The following CSGALNACT1 variants were observed in gnomAD, a reference collection of about 807,000 sequenced individuals.
CSGALNACT1 encodes the protein chondroitin sulfate N-acetylgalactosaminyltransferase 1, also known as beta4GalNAcT-1.
In CSGALNACT1, 52 loss-of-function variants were observed where a neutral mutation model predicts 51.0. The ratio of observed to expected loss-of-function variants is 1.02; its 90% confidence interval spans 0.82 to 1.29. CSGALNACT1 has a LOEUF of 1.29. Ranked by LOEUF, CSGALNACT1 falls within the 50% of genes most tolerant of loss-of-function variation. The probability of loss-of-function intolerance (pLI) is 0.00; values close to 1 mark genes in which losing one functional copy is unlikely to be tolerated. For synonymous variants in CSGALNACT1, 341 were observed against 254.4 expected (o/e 1.34, Z -3.24); for missense variants, 935 against 679.2 (o/e 1.38, Z -4.19).
chr8:19,596,587 T>C (rs1055926231), intron 2 of CSGALNACT1, among the ~76,000 whole-genome samples: 3 of 150,296 alleles, frequency 2.0e-5, no homozygotes, highest in African/African-American at 7.4e-5. Flanking sequence ...AGGCCACAAA[T>C]TGTAAGAAAA....
chr8:19,564,477 A>C (rs929018604), intron 3 of CSGALNACT1, among the ~76,000 whole-genome samples: 2 of 151,872 alleles, frequency 1.3e-5, no homozygotes, highest in Admixed American at 1.3e-4. Context: ...ACTAGGTGAC[A>C]GGTCCTAACT....
At chr8:19,560,784 G>A (rs2040530857) in intron 3 of CSGALNACT1, among the ~76,000 whole-genome samples, 1 of 152,200 alleles carries the variant, frequency 6.6e-6, no homozygotes, top group South Asian at 2.1e-4. Context: ...TATTCCAGGA[G>A]CCAGCAATTC....
intron 1 of CSGALNACT1, among the ~76,000 whole-genome samples, chr8:19,746,630 G>C (rs1240221442): frequency 3.3e-5 from 5 of 152,154 alleles, no homozygotes; most frequent in Admixed American, 3.3e-4. Flanking sequence ...TGATCTCAGA[G>C]ATGCTATTAT....
chr8:19,455,984 C>A (rs1173732189), intron 5 of CSGALNACT1, among the ~76,000 whole-genome samples: 1 of 152,214 alleles, frequency 6.6e-6, no homozygotes, highest in African/African-American at 2.4e-5. Context: ...GAGCAAGGGA[C>A]ATCCAAATAG....
intron 5 of CSGALNACT1, among the ~76,000 whole-genome samples, chr8:19,447,557 G>A (rs910560204): frequency 2.0e-5 from 3 of 152,134 alleles, no homozygotes; most frequent in African/African-American, 7.2e-5. Flanking sequence ...ATTGTGGGAG[G>A]TGCTGTGATG....
chr8:19,681,007 G>A (rs1239328263), intron 1 of CSGALNACT1, among the ~76,000 whole-genome samples: 3 of 152,080 alleles, frequency 2.0e-5, no homozygotes, highest in African/African-American at 4.8e-5. Flanking sequence ...TATACAAGAC[G>A]ATGTGTGTAG....
At chr8:19,630,194 CTG>C (rs55947851) in intron 1 of CSGALNACT1, among the ~76,000 whole-genome samples, 23,503 of 137,328 alleles carry the variant, frequency 0.17, 1,411 homozygotes, top group East Asian at 0.34. Flanking sequence ...TCCCACGTCT[CTG>C]TGTGTGTGTG....
At chr8:19,535,347 G>A (rs550393230) in intron 3 of CSGALNACT1, among the ~76,000 whole-genome samples, 1 of 152,070 alleles carries the variant, frequency 6.6e-6, no homozygotes, top group Non-Finnish European at 1.5e-5. Context: ...TAAAACTAAC[G>A]GCTCAAGATA....
intron 6 of CSGALNACT1, 52 bp downstream of exon 5, chr8:19,439,778 C>T (rs545284864): frequency 3.6e-6 from 5 of 1,378,700 alleles, no homozygotes; most frequent in Non-Finnish European, 4.1e-6. Flanking sequence ...TGGATGTGTG[C>T]TTCTGAGCTC....
intron 3 of CSGALNACT1, among the ~76,000 whole-genome samples, chr8:19,539,169 G>C (rs954175232): frequency 6.6e-6 from 1 of 152,150 alleles, no homozygotes; most frequent in South Asian, 2.1e-4. Context: ...ACACCTCACA[G>C]AGTCAGTGGG....
At chr8:19,610,289 C>CAAAA (rs58262538) in intron 1 of CSGALNACT1, among the ~76,000 whole-genome samples, 861 of 47,622 alleles carry the variant, frequency 0.018, 83 homozygotes, top group African/African-American at 0.064. Flanking sequence ...GACTCCGTCT[C>CAAAA]AAAAAAAAAA....
chr8:19,553,752 G>T (rs1051106279), intron 3 of CSGALNACT1, among the ~76,000 whole-genome samples: 2 of 150,634 alleles, frequency 1.3e-5, no homozygotes, highest in Non-Finnish European at 3.0e-5. Context: ...AGAAACAAAT[G>T]GGACCCCAAA....
chr8:19,574,595 C>T (rs1276876344), intron 3 of CSGALNACT1, among the ~76,000 whole-genome samples: 1 of 152,162 alleles, frequency 6.6e-6, no homozygotes, highest in African/African-American at 2.4e-5. Flanking sequence ...CCACAGCCAG[C>T]CCACCTCGTG....
At chr8:19,691,162 G>A (rs886085796) in intron 1 of CSGALNACT1, among the ~76,000 whole-genome samples, 1 of 152,210 alleles carries the variant, frequency 6.6e-6, no homozygotes, top group African/African-American at 2.4e-5. Context: ...GCCAAGGCAA[G>A]AGGCCACGCC....
chr8:19,644,906 T>C (rs1022197030), intron 1 of CSGALNACT1, among the ~76,000 whole-genome samples: 1 of 152,060 alleles, frequency 6.6e-6, no homozygotes, highest in South Asian at 2.1e-4. Context: ...AAAAGTCTTA[T>C]CCCAACATGC....
intron 1 of CSGALNACT1, among the ~76,000 whole-genome samples, chr8:19,693,379 C>T (rs1298705538): frequency 6.6e-6 from 1 of 152,122 alleles, no homozygotes; most frequent in East Asian, 1.9e-4. Flanking sequence ...CTCTGTTCTA[C>T]CAGCCTTTGT....
chr8:19,536,673 A>C (rs964868914), intron 3 of CSGALNACT1, among the ~76,000 whole-genome samples: 1 of 152,220 alleles, frequency 6.6e-6, no homozygotes, highest in Non-Finnish European at 1.5e-5. Flanking sequence ...TATAGAATCT[A>C]CGTAAGAAAG....
At chr8:19,476,815 A>G (rs1248412287) in intron 4 of CSGALNACT1, among the ~76,000 whole-genome samples, 5 of 152,318 alleles carry the variant, frequency 3.3e-5, no homozygotes, top group African/African-American at 1.2e-4. Flanking sequence ...CTCATGTCAC[A>G]GCAGTCCAGA....
At chr8:19,536,970 TCA>T (rs1425029429) in intron 3 of CSGALNACT1, among the ~76,000 whole-genome samples, 3 of 152,056 alleles carry the variant, frequency 2.0e-5, no homozygotes, top group African/African-American at 7.2e-5. Context: ...AATCTGAGAA[TCA>T]AAAATAAAAT....
Sources: gnomAD v4.1 joint callset for allele counts (sites outside exome capture counted in the v4.1 genomes callset) on GRCh38, gnomAD v4.1.1 for gene constraint, MANE v1.5 for transcripts, NCBI Gene and HGNC (gene_info 2026-07-23, HGNC 2026-07-21) for gene names.